Variants in PCDHA4 observed in about 807,000 individuals in gnomAD.
PCDHA4 encodes the protein protocadherin alpha 4, also known as protocadherin alpha-4.
PCDHA4 carries 49 observed loss-of-function variants against 61.4 expected under a neutral mutation model. The ratio of observed to expected loss-of-function variants is 0.80; its 90% CI spans 0.63 to 1.01. PCDHA4 has a LOEUF of 1.01. Ranked by LOEUF, PCDHA4 falls within the 50% of genes least tolerant of loss-of-function variation. The pLI is 0.00. For missense variants in PCDHA4, 1,254 were observed against 1,235.8 expected (o/e 1.01, Z -0.22); for synonymous variants, 590 against 550.3 (o/e 1.07, Z -1.01).
In PCDHA4 at chr5:141,011,249, G is replaced by A. The variant is rs1159894108; in HGVS notation, c.*1312G>A. The A allele has an allele frequency of 6.5e-6, 1 of 153,682 alleles. No homozygotes were observed. The highest frequency in any genetic ancestry group is 1.5e-5 in the Non-Finnish European group (1 of 68,038). The allele number at this position is 153,682 out of a possible 1,614,324, so 9.5% of individuals were successfully genotyped here. On this transcript the variant is annotated 3_prime_UTR_variant, in exon 4 of 4. Coordinates refer to ENST00000530339, the MANE Select transcript of PCDHA4 (RefSeq NM_018907.4). ...TACTAATTCTGTGACTTGTCTTGGT[G>A]TGCTAGCCTACACCTTCTCTTTGGT... is the stretch of plus-strand genomic sequence containing the variant.
intron 1 of PCDHA4, chr5:140,967,013 G>A: frequency 1.9e-6 from 3 of 1,606,874 alleles, no homozygotes; most frequent in Non-Finnish European, 2.5e-6. Flanking sequence ...CAACCATCTG[G>A]GTGCGCCCAG....
intron 3 of PCDHA4, among the ~76,000 whole-genome samples, chr5:140,999,867 C>A (rs1269782566): frequency 1.3e-5 from 2 of 152,190 alleles, no homozygotes; most frequent in African/African-American, 4.8e-5. Context: ...TCCAAGATTA[C>A]TGAAAATTAG....
chr5:140,879,337 G>A (rs251379), intron 1 of PCDHA4, among the ~76,000 whole-genome samples: 101,683 of 152,024 alleles, frequency 0.67, 34,216 homozygotes, highest in Middle Eastern at 0.71. Flanking sequence ...AGTTTGTTCA[G>A]CTGAGAAGAT....
At chr5:141,002,956 G>C (rs782632089) in intron 3 of PCDHA4, among the ~76,000 whole-genome samples, 6 of 152,230 alleles carry the variant, frequency 3.9e-5, no homozygotes, top group Non-Finnish European at 7.3e-5. Context: ...GCCCCTCTGA[G>C]AGCTTTCCTG....
intron 1 of PCDHA4, chr5:140,822,888 C>T (rs2150120087): frequency 2.5e-6 from 4 of 1,614,234 alleles, no homozygotes; most frequent in Non-Finnish European, 3.4e-6. Flanking sequence ...TTGCTCTGAT[C>T]AGCGTGTCTG....
intron 1 of PCDHA4, chr5:140,861,416 C>G: frequency 2.1e-6 from 1 of 477,054 alleles, no homozygotes; most frequent in South Asian, 1.6e-5. Flanking sequence ...TGATACCGCG[C>G]CTGTTTCAGT....
chr5:140,908,757 C>G (rs550540742), intron 1 of PCDHA4, among the ~76,000 whole-genome samples: 1 of 152,248 alleles, frequency 6.6e-6, no homozygotes, highest in Non-Finnish European at 1.5e-5. Context: ...TGCACACAGC[C>G]TGGACGTGTT....
chr5:140,831,512 C>T (rs1771575949), intron 1 of PCDHA4, among the ~76,000 whole-genome samples: 1 of 137,596 alleles, frequency 7.3e-6, no homozygotes, highest in African/African-American at 2.9e-5. Flanking sequence ...CACCACCATG[C>T]CCCCCACCTT....
intron 1 of PCDHA4, chr5:140,843,364 G>A: frequency 3.1e-6 from 5 of 1,596,132 alleles, no homozygotes; most frequent in Non-Finnish European, 4.3e-6. Context: ...CGTCATCGAG[G>A]CAGTCGGCTG....
chr5:140,943,581 G>A (rs1022140100), intron 1 of PCDHA4, among the ~76,000 whole-genome samples: 1 of 152,168 alleles, frequency 6.6e-6, no homozygotes, highest in Non-Finnish European at 1.5e-5. Flanking sequence ...GTTGATCTGA[G>A]TGGGGCTGAA....
Position 140,853,605 on chromosome 5 carries a change from G to A in PCDHA4, c.2385+44033G>A, listed in dbSNP as rs773791072. ...TCTTAGACACTTTGAGAGCAAAGGG[G>A]GTGCTGTAAATAAGTATACAAGATC... On this transcript the variant is annotated intron_variant, in intron 1 of 3. Transcript: ENST00000530339. 143 of 987,206 alleles carry A rather than the reference G, an allele frequency of 1.4e-4. 19 individuals carry two copies. The highest frequency in any genetic ancestry group is 1.7e-4 in the Non-Finnish European group (138 of 819,622). 61.2% of individuals were successfully genotyped at this position (987,206 alleles called of 1,614,324 possible). A position where few individuals can be genotyped will look rare whatever the true frequency, so the allele number is the denominator to read the frequency against.
intron 1 of PCDHA4, chr5:140,850,766 G>T: frequency 6.3e-7 from 1 of 1,598,074 alleles, no homozygotes; most frequent in Non-Finnish European, 8.6e-7. Context: ...GGAGGCAGAG[G>T]GTGTGCTCTG....
intron 1 of PCDHA4, chr5:140,829,855 C>A: frequency 6.2e-7 from 1 of 1,613,928 alleles, no homozygotes; most frequent in Non-Finnish European, 8.5e-7. Context: ...TGGGTGCAGG[C>A]CAAGTGGTGG....
chr5:140,967,901 A>T, intron 1 of PCDHA4: 2 of 1,614,142 alleles, frequency 1.2e-6, no homozygotes, highest in African/African-American at 1.3e-5. Context: ...TGAGAATGCT[A>T]CACCCAACAC....
chr5:141,005,535 C>T (rs1254351919), intron 3 of PCDHA4, among the ~76,000 whole-genome samples: 2 of 151,078 alleles, frequency 1.3e-5, no homozygotes, highest in Non-Finnish European at 2.9e-5. Flanking sequence ...AACCCCGTCT[C>T]TACTAAAAAT....
At position 140,808,471 on chromosome 5, in the gene PCDHA4, A is replaced by G. The variant is rs782329561; in HGVS notation, c.1284A>G (p.Arg428=). The stretch of plus-strand genomic sequence containing the variant: ...CCTATGAGCTGGTGGTGACCGCGCG[A>G]GACGGGGGCTCGCCTTCGCTGTGGG... ...VSAYELVVTA[R]DGGSPSLWAT... Residue 428 remains arginine, a synonymous_variant, in exon 1 of 4, where the codon CGA becomes CGG. Coordinates refer to ENST00000530339, the MANE Select transcript of PCDHA4 (RefSeq NM_018907.4). 6.2e-7 allele frequency: 1 copy of G among 1,614,060 alleles called. No homozygotes were observed. Among genetic ancestry groups the G allele is most frequent in the Admixed American group, 1.7e-5 (1 of 60,032 alleles).
intron 1 of PCDHA4, among the ~76,000 whole-genome samples, chr5:140,845,317 T>C (rs1779816111): frequency 6.7e-6 from 1 of 149,682 alleles, no homozygotes; most frequent in Non-Finnish European, 1.5e-5. Context: ...TCTCAGGTAT[T>C]ACTTTAATTA....
At position 140,807,880 on chromosome 5, in the gene PCDHA4, A is replaced by G. The variant is rs1338912507; in HGVS notation, c.693A>G (p.Thr231=). 1.2e-6 allele frequency: 2 copies of G among 1,614,152 alleles called. No homozygotes were observed. Among genetic ancestry groups the G allele is most frequent in the East Asian group, 4.5e-5 (2 of 44,882 alleles). The change falls in exon 1 of 4, where the codon ACA becomes ACG. Residue 231 remains threonine (T), a synonymous_variant. Coordinates refer to ENST00000530339, the MANE Select transcript of PCDHA4 (RefSeq NM_018907.4). ...ELTGTVQLLI[T]VLDANDNAPA... ...CTGGCACCGTTCAGTTACTCATCAC[A>G]GTACTGGATGCCAATGACAATGCCC...
chr5:141,000,395 CTATA>C (rs1190667031), intron 3 of PCDHA4, among the ~76,000 whole-genome samples: 54 of 53,974 alleles, frequency 1.0e-3, no homozygotes, highest in East Asian at 2.4e-3. Context: ...CTCTCTCTCT[CTATA>C]TATATATATA....
Sources: gnomAD v4.1 joint callset for allele counts (sites outside exome capture counted in the v4.1 genomes callset) on GRCh38, gnomAD v4.1.1 for gene constraint, MANE v1.5 for transcripts, NCBI Gene and HGNC (gene_info 2026-07-23, HGNC 2026-07-21) for gene names.